The following CHODL variants were observed in gnomAD, a reference collection of about 807,000 sequenced individuals.
CHODL encodes transmembrane protein MT75.
A neutral mutation model predicts 34.5 loss-of-function variants in CHODL; 29 were observed. The ratio of observed to expected loss-of-function variants is 0.84; its 90% CI spans 0.63 to 1.15. The LOEUF is 1.15. CHODL is among the 50% of genes most tolerant of loss of function. The pLI is 0.00. For missense variants in CHODL, 332 were observed against 332.5 expected (o/e 1.00, Z 0.01); for synonymous variants, 125 against 116.1 (o/e 1.08, Z -0.49).
At chr21:18,083,605 A>G (rs984963635) in intron 2 of CHODL, among the ~76,000 whole-genome samples, 3 of 152,214 alleles carry the variant, frequency 2.0e-5, no homozygotes, top group African/African-American at 7.2e-5. Flanking sequence ...TCCCAAGACC[A>G]TGAGAACCCA....
intron 2 of CHODL, among the ~76,000 whole-genome samples, chr21:18,070,451 A>G (rs1040081803): frequency 3.4e-5 from 5 of 145,226 alleles, no homozygotes; most frequent in African/African-American, 5.4e-5. Flanking sequence ...ATAGCTAGGG[A>G]AAAAAAAAAG....
rs187182517 is a variant in CHODL, at chr21:17,974,508, G to A, written c.-144-53364G>A. On this transcript the variant is annotated intron_variant, in intron 1 of 6. Transcript: ENST00000400127. ...GCTAGTCTTGAACTCCTGACCTCAT[G>A]ATCTGTCTGCCTTGGCCTCCTGAAG... Among the ~76,000 whole-genome samples, 13 of 152,244 alleles carry A rather than the reference G, an allele frequency of 8.5e-5. No homozygotes were observed. In the East Asian group the frequency reaches 2.1e-3, roughly 25 times the overall value.
intron 2 of CHODL, among the ~76,000 whole-genome samples, chr21:18,164,649 T>C (rs1187616065): frequency 6.6e-6 from 1 of 152,166 alleles, no homozygotes; most frequent in Middle Eastern, 3.2e-3. Flanking sequence ...AATATCCTAA[T>C]GATTCTCAAG....
intron 2 of CHODL, among the ~76,000 whole-genome samples, chr21:18,077,495 A>G (rs996065510): frequency 2.0e-5 from 3 of 152,196 alleles, no homozygotes; most frequent in Non-Finnish European, 4.4e-5. Context: ...GCTATGGTCC[A>G]AATGTTTGTG....
At chr21:18,179,918 G>T (rs1187612498) in intron 2 of CHODL, among the ~76,000 whole-genome samples, 1 of 152,062 alleles carries the variant, frequency 6.6e-6, no homozygotes, top group Non-Finnish European at 1.5e-5. Context: ...AAACAAATTT[G>T]AAGCATTTGG....
At chr21:17,989,664 G>A (rs1488278077) in intron 1 of CHODL, among the ~76,000 whole-genome samples, 2 of 152,116 alleles carry the variant, frequency 1.3e-5, no homozygotes, top group Non-Finnish European at 2.9e-5. Context: ...CCTGCAATTA[G>A]AATCCAACCC....
At chr21:18,250,874 G>T (rs2074227730) in intron 1 of CHODL, among the ~76,000 whole-genome samples, 1 of 151,414 alleles carries the variant, frequency 6.6e-6, no homozygotes, top group South Asian at 2.1e-4. Flanking sequence ...TGCAACTAAT[G>T]GTAGATCATA....
chr21:18,023,626 C>T (rs1247137333), intron 1 of CHODL, among the ~76,000 whole-genome samples: 1 of 152,074 alleles, frequency 6.6e-6, no homozygotes, highest in Non-Finnish European at 1.5e-5. Context: ...GAGTTTGTCC[C>T]CTGGATTATC....
intron 2 of CHODL, among the ~76,000 whole-genome samples, chr21:18,151,434 G>A (rs944190100): frequency 2.6e-5 from 4 of 152,186 alleles, no homozygotes; most frequent in Non-Finnish European, 5.9e-5. Flanking sequence ...AGGCATGAAA[G>A]CTCTCCACCC....
intron 1 of CHODL, among the ~76,000 whole-genome samples, chr21:17,993,213 C>CTT (rs34143918): frequency 1.3e-5 from 2 of 151,712 alleles, no homozygotes; most frequent in Non-Finnish European, 2.9e-5. Context: ...TATGTTCTTT[C>CTT]TTTTTTAAAA....
intron 2 of CHODL, among the ~76,000 whole-genome samples, chr21:18,120,831 T>C (rs1417438877): frequency 1.3e-5 from 2 of 152,128 alleles, no homozygotes; most frequent in African/African-American, 2.4e-5. Context: ...AAAAATCCTG[T>C]GTTCAAATTG....
chr21:18,214,921 A>G (rs1452640210), intron 2 of CHODL, among the ~76,000 whole-genome samples: 1 of 152,182 alleles, frequency 6.6e-6, no homozygotes, highest in Non-Finnish European at 1.5e-5. Context: ...AACAACATAC[A>G]TACATACAGT....
At chr21:18,195,248 G>A (rs546994459) in intron 2 of CHODL, among the ~76,000 whole-genome samples, 26 of 152,118 alleles carry the variant, frequency 1.7e-4, no homozygotes, top group African/African-American at 6.3e-4. Flanking sequence ...TAGAGATGGG[G>A]ATTCAATGTG....
intron 1 of CHODL, among the ~76,000 whole-genome samples, chr21:17,993,213 C>CT (rs34143918): frequency 0.46 from 70,439 of 151,756 alleles, 17,137 homozygotes; most frequent in South Asian, 0.67. Flanking sequence ...TATGTTCTTT[C>CT]TTTTTTAAAA....
intron 2 of CHODL, among the ~76,000 whole-genome samples, chr21:18,085,566 C>T (rs899075458): frequency 6.6e-6 from 1 of 152,060 alleles, no homozygotes; most frequent in African/African-American, 2.4e-5. Context: ...CTGACAAATT[C>T]CTTCAGCATT....
At chr21:17,987,201 C>T (rs1329988643) in intron 1 of CHODL, among the ~76,000 whole-genome samples, 1 of 152,124 alleles carries the variant, frequency 6.6e-6, no homozygotes, top group African/African-American at 2.4e-5. Context: ...TCTCAGCCAA[C>T]AGGAGGCAGG....
At chr21:17,992,835 G>A (rs2146390152) in intron 1 of CHODL, among the ~76,000 whole-genome samples, 1 of 142,524 alleles carries the variant, frequency 7.0e-6, no homozygotes, top group South Asian at 2.2e-4. Context: ...TGTATTTTTA[G>A]TAGAGACGGG....
intron 2 of CHODL, among the ~76,000 whole-genome samples, chr21:18,077,157 GCTA>G (rs113345289): frequency 9.2e-5 from 14 of 152,258 alleles, no homozygotes; most frequent in African/African-American, 3.1e-4. Context: ...AGGCTTTGGA[GCTA>G]CTTGGGATCT....
At chr21:17,961,817 A>G (rs1359821401) in intron 1 of CHODL, among the ~76,000 whole-genome samples, 2 of 152,238 alleles carry the variant, frequency 1.3e-5, no homozygotes, top group Non-Finnish European at 2.9e-5. Context: ...TTGGATGATA[A>G]ATGCTCAGTA....
Sources: allele counts gnomAD v4.1 joint callset (sites outside exome capture counted in the v4.1 genomes callset), GRCh38; gene constraint gnomAD v4.1.1; transcripts MANE v1.5; gene names NCBI Gene and HGNC (gene_info 2026-07-23, HGNC 2026-07-21).